Variants in KIAA1217 observed in about 807,000 individuals in gnomAD.
The protein encoded by KIAA1217 is sickle tail protein homolog.
KIAA1217 carries 88 observed loss-of-function variants against 163.9 expected under a neutral mutation model. That is an observed-to-expected ratio of 0.54 (90% CI 0.45 to 0.64). KIAA1217 has a LOEUF of 0.64. Among genes scored for constraint, KIAA1217 ranks in the 30% least tolerant of loss-of-function variants. The pLI is 0.00. For missense variants in KIAA1217, 2,372 were observed against 2,475.0 expected (o/e 0.96, Z 0.88); for synonymous variants, 903 against 923.1 (o/e 0.98, Z 0.39).
rs546042890 is a variant in KIAA1217 at position 23,994,357 on chromosome 10, C to T, written c.-320-12868C>T. Among the ~76,000 whole-genome samples the T allele has an allele frequency of 3.3e-5, 5 of 152,270 alleles. No homozygotes were observed. The South Asian group carries it at 1.0e-3, about 32-fold the overall frequency. On this transcript the variant is annotated intron_variant, in intron 1 of 18. Transcript: ENST00000376462. The stretch of plus-strand genomic sequence containing the variant: ...CAGGGACATCTGATGTAGTGGAAAT[C>T]TCCTTTGTGCTGATTTTAGGTCTCA...
chr10:24,380,513 A>G (rs553687723), intron 2 of KIAA1217, among the ~76,000 whole-genome samples: 12 of 152,170 alleles, frequency 7.9e-5, no homozygotes, highest in African/African-American at 2.9e-4. Context: ...ATGTTGGGGC[A>G]CACCTGTAGT....
At chr10:23,835,889 T>G (rs1369421726) in intron 1 of KIAA1217, among the ~76,000 whole-genome samples, 2 of 152,160 alleles carry the variant, frequency 1.3e-5, no homozygotes, top group Admixed American at 1.3e-4. Flanking sequence ...TTTTTGTTGT[T>G]TTTTAAGCTC....
chr10:23,707,199 C>A (rs141277262), intron 1 of KIAA1217, among the ~76,000 whole-genome samples: 8 of 151,980 alleles, frequency 5.3e-5, no homozygotes, highest in African/African-American at 1.9e-4. Flanking sequence ...AGGGAAGATT[C>A]CTGGTGCTGT....
chr10:23,792,177 C>T (rs1301273153), intron 1 of KIAA1217, among the ~76,000 whole-genome samples: 1 of 152,202 alleles, frequency 6.6e-6, no homozygotes, highest in Non-Finnish European at 1.5e-5. Flanking sequence ...ACATTTAACC[C>T]TGTCAGTGGG....
intron 1 of KIAA1217, among the ~76,000 whole-genome samples, chr10:24,215,978 T>C (rs145576736): frequency 6.6e-6 from 1 of 152,346 alleles, no homozygotes; most frequent in African/African-American, 2.4e-5. Context: ...TGCTAGTGGT[T>C]GATGCTTTTT....
chr10:24,468,597 C>T (rs549660573), intron 5 of KIAA1217, among the ~76,000 whole-genome samples: 9 of 152,044 alleles, frequency 5.9e-5, no homozygotes, highest in African/African-American at 1.2e-4. Context: ...TTTCGGTGAC[C>T]CTTTTGGATG....
At chr10:23,902,241 C>T (rs1841987341) in intron 1 of KIAA1217, among the ~76,000 whole-genome samples, 1 of 151,954 alleles carries the variant, frequency 6.6e-6, no homozygotes, top group South Asian at 2.1e-4. Context: ...GTGCTGGTGG[C>T]CATTATCCTT....
At chr10:24,225,361 C>T (rs139047291) in intron 2 of KIAA1217, among the ~76,000 whole-genome samples, 5 of 152,188 alleles carry the variant, frequency 3.3e-5, no homozygotes, top group East Asian at 1.9e-4. Context: ...TGGCCTCAAG[C>T]GATCCTCTCG....
intron 1 of KIAA1217, among the ~76,000 whole-genome samples, chr10:23,729,413 C>G (rs902119657): frequency 6.6e-6 from 1 of 152,160 alleles, no homozygotes; most frequent in African/African-American, 2.4e-5. Flanking sequence ...GCATTCCCAC[C>G]AACAATGAAT....
chr10:23,976,738 A>G (rs1485376107), intron 1 of KIAA1217, among the ~76,000 whole-genome samples: 1 of 152,220 alleles, frequency 6.6e-6, no homozygotes, highest in Non-Finnish European at 1.5e-5. Flanking sequence ...TCAAATGCCA[A>G]TATCTGCTGA....
At chr10:23,713,803 T>G (rs1490247468) in intron 1 of KIAA1217, among the ~76,000 whole-genome samples, 2 of 152,192 alleles carry the variant, frequency 1.3e-5, no homozygotes, top group Non-Finnish European at 2.9e-5. Context: ...GATTACTGTA[T>G]GCCCCAGCAA....
intron 2 of KIAA1217, among the ~76,000 whole-genome samples, chr10:24,346,663 T>C (rs927238279): frequency 7.1e-6 from 1 of 139,916 alleles, no homozygotes; most frequent in Non-Finnish European, 1.5e-5. Context: ...CTCCGCCTCC[T>C]GCATTCAAGC....
chr10:24,515,087 G>A (rs1489260964), intron 10 of KIAA1217, among the ~76,000 whole-genome samples: 1 of 151,786 alleles, frequency 6.6e-6, no homozygotes, highest in African/African-American at 2.4e-5. Flanking sequence ...ATTTTTTTGA[G>A]TTGGAGTCTT....
intron 1 of KIAA1217, among the ~76,000 whole-genome samples, chr10:23,735,485 G>T (rs1272673096): frequency 6.6e-6 from 1 of 152,000 alleles, no homozygotes; most frequent in African/African-American, 2.4e-5. Flanking sequence ...ATCTATGGAA[G>T]TAAAATAGTA....
intron 2 of KIAA1217, among the ~76,000 whole-genome samples, chr10:24,148,194 G>T (rs1421327561): frequency 6.6e-6 from 1 of 151,884 alleles, no homozygotes; most frequent in Non-Finnish European, 1.5e-5. Context: ...CTTAACTACT[G>T]CATTCATTAC....
chr10:23,833,772 G>C (rs1838324128), intron 1 of KIAA1217, among the ~76,000 whole-genome samples: 1 of 151,574 alleles, frequency 6.6e-6, no homozygotes. Context: ...TGTTGCCTTG[G>C]TAGTCTTTCC....
At chr10:24,298,596 G>A (rs949067463) in intron 2 of KIAA1217, among the ~76,000 whole-genome samples, 11 of 152,064 alleles carry the variant, frequency 7.2e-5, no homozygotes, top group Non-Finnish European at 1.3e-4. Context: ...TCAGGAGTTT[G>A]AGACCAGCCT....
intron 1 of KIAA1217, among the ~76,000 whole-genome samples, chr10:23,857,897 A>G (rs912237795): frequency 3.9e-5 from 6 of 152,072 alleles, no homozygotes; most frequent in Non-Finnish European, 8.8e-5. Context: ...AGTTAGAAAC[A>G]GTGAAAATGC....
At chr10:23,698,862 G>A (rs983558918) in intron 1 of KIAA1217, among the ~76,000 whole-genome samples, 2 of 151,912 alleles carry the variant, frequency 1.3e-5, no homozygotes, top group East Asian at 3.9e-4. Flanking sequence ...TCTGCTTACT[G>A]TAGCCTCAAC....
Sources: allele counts gnomAD v4.1 joint callset (sites outside exome capture counted in the v4.1 genomes callset), GRCh38; gene constraint gnomAD v4.1.1; transcripts MANE v1.5; gene names NCBI Gene and HGNC (gene_info 2026-07-23, HGNC 2026-07-21).